The following THOC1 variants were observed in gnomAD, a reference collection of about 807,000 sequenced individuals.
The protein encoded by THOC1 is THO complex 1.
In THOC1, 29 loss-of-function variants were observed where a neutral mutation model predicts 97.3. The ratio of observed to expected loss-of-function variants is 0.30; its 90% CI spans 0.22 to 0.41. The LOEUF (loss-of-function observed/expected upper bound fraction) is 0.41, where lower values mean the gene tolerates loss of function less well. THOC1 is among the 10% of genes least tolerant of loss of function. THOC1 has a pLI of 1.00. For missense variants in THOC1, 529 were observed against 761.9 expected (o/e 0.69, Z 3.60); for synonymous variants, 255 against 257.0 (o/e 0.99, Z 0.07).
rs1273745289 is a variant in THOC1, at chr18:252,546, T to C, written c.670A>G (p.Thr224Ala). 1 of 1,611,682 alleles carries C rather than the reference T, an allele frequency of 6.2e-7. No individual in the cohort carries two copies. The highest frequency in any genetic ancestry group is 8.5e-7 in the Non-Finnish European group (1 of 1,178,670). ...TAGGCTCTGAAAACTCACCACGTTG[T>C]TGGAGCTTCCTCGTCTCCCATTTCG... Reference protein sequence around the residue: ...EGEMGDEEAPTTCSIPIDYNL... With the variant: ...EGEMGDEEAPATCSIPIDYNL... Residue 224 changes from threonine (T) to alanine (A), a missense_variant, in exon 9 of 21, where the codon ACA becomes GCA. Coordinates refer to ENST00000261600, the MANE Select transcript of THOC1 (RefSeq NM_005131.3).
rs528375052 is a variant in THOC1, at chr18:239,855, A to T, written c.918+6469T>A. 4.5e-4 allele frequency among the ~76,000 whole-genome samples: 69 copies of T among 151,894 alleles called. No homozygotes were observed. In the East Asian group the frequency reaches 0.01, roughly 23 times the overall value. On this transcript the variant is annotated intron_variant, in intron 11 of 20. Coordinates refer to ENST00000261600, the MANE Select transcript of THOC1 (RefSeq NM_005131.3). ...GGAGCCCAATTAACACAGAGAAAAA[A>T]TTTTTTTTTCCTCTGGGTATGAAGT...
intron 11 of THOC1, among the ~76,000 whole-genome samples, chr18:232,967 T>C (rs1040510446): frequency 6.6e-6 from 1 of 152,322 alleles, no homozygotes; most frequent in Admixed American, 6.5e-5. Context: ...GTTATGTAGG[T>C]GACAAATAAT....
chr18:241,328 G>C (rs1911892915), intron 11 of THOC1, among the ~76,000 whole-genome samples: 1 of 152,122 alleles, frequency 6.6e-6, no homozygotes, highest in African/African-American at 2.4e-5. Context: ...GACATAAAAA[G>C]TACAAAACAT....
Position 227,892 on chromosome 18 carries a change from C to T in THOC1, c.919-991G>A, listed in dbSNP as rs755553207. 7.0e-4 allele frequency among the ~76,000 whole-genome samples: 106 copies of T among 152,180 alleles called. 1 individual carries two copies. The highest frequency in any genetic ancestry group is 6.8e-3 in the Middle Eastern group (2 of 294). ...TACCATTTACTAATGCTACCTAACA[C>T]GCACAAGCCTCCCTATTCACTAGCA... is the stretch of plus-strand genomic sequence containing the variant. On this transcript the variant is annotated intron_variant, in intron 11 of 20. Coordinates refer to ENST00000261600, the MANE Select transcript of THOC1 (RefSeq NM_005131.3).
At chr18:224,669 G>GAGT (rs1376753771) in intron 15 of THOC1, among the ~76,000 whole-genome samples, 2 of 151,574 alleles carry the variant, frequency 1.3e-5, no homozygotes, top group African/African-American at 4.9e-5. Flanking sequence ...AAATTACACG[G>GAGT]AGTAGATATA....
chr18:266,898 T>C (rs569589267), intron 1 of THOC1, among the ~76,000 whole-genome samples: 2 of 152,052 alleles, frequency 1.3e-5, no homozygotes, highest in South Asian at 2.1e-4. Flanking sequence ...GCACCAGAGA[T>C]TGCAGCAAAA....
At chr18:238,952 T>C (rs1307442521) in intron 11 of THOC1, among the ~76,000 whole-genome samples, 1 of 152,188 alleles carries the variant, frequency 6.6e-6, no homozygotes, top group Non-Finnish European at 1.5e-5. Context: ...AAGATACAAA[T>C]ATAGAATTTT....
chr18:217,125 CA>C (rs1484894308), intron 18 of THOC1, among the ~76,000 whole-genome samples: 1 of 152,250 alleles, frequency 6.6e-6, no homozygotes, highest in African/African-American at 2.4e-5. Context: ...AACCAAACCA[CA>C]AATTTATTCC....
chr18:248,971 C>T (rs1012266743), intron 9 of THOC1, among the ~76,000 whole-genome samples: 2 of 151,980 alleles, frequency 1.3e-5, no homozygotes, highest in African/African-American at 2.4e-5. Context: ...AGGATGGTCT[C>T]GAGTTCCTGA....
intron 11 of THOC1, chr18:245,045 T>G (rs974866404): frequency 2.6e-5 from 4 of 152,216 alleles, no homozygotes; most frequent in Admixed American, 6.5e-5. Flanking sequence ...CTACTTCATT[T>G]CAGCCTGCTT....
At chr18:232,500 C>T (rs1911520108) in intron 11 of THOC1, among the ~76,000 whole-genome samples, 1 of 151,538 alleles carries the variant, frequency 6.6e-6, no homozygotes, top group African/African-American at 2.4e-5. Flanking sequence ...TATCTTATCA[C>T]CCAGTCTTCT....
Position 246,449 on chromosome 18 carries a change from C to T in THOC1, c.793G>A (p.Glu265Lys). The T allele has an allele frequency of 6.4e-7, 1 of 1,564,144 alleles. No homozygotes were observed. The highest frequency in any genetic ancestry group is 8.7e-7 in the Non-Finnish European group (1 of 1,152,970). The change falls in exon 11 of 21, where the codon GAA becomes AAA. Residue 265 changes from glutamate (E) to lysine (K), a missense_variant. Transcript: ENST00000261600. ...ISWKTFLKYS[E>K]EVLAVFKSYK... ...CTCTTAAAAACAGCTAAAACTTCTT[C>T]AGAATACTGCAAAATAAAAATATTA...
intron 4 of THOC1, among the ~76,000 whole-genome samples, chr18:262,059 T>G (rs369376940): frequency 2.2e-4 from 33 of 152,350 alleles, no homozygotes; most frequent in African/African-American, 7.9e-4. Context: ...TTCCATGGTT[T>G]TGTTCACAAT....
At chr18:224,203 A>G (rs894267887) in intron 15 of THOC1, 24 bp from the exon 16 acceptor site, 8 of 1,462,708 alleles carry the variant, frequency 5.5e-6, no homozygotes, top group East Asian at 4.6e-5. Flanking sequence ...AACATACACT[A>G]TTTTTTGAAT....
In THOC1 at chr18:254,414, T is replaced by C; in HGVS notation, c.521-59A>G. The C allele has an allele frequency of 1.9e-6, 2 of 1,050,954 alleles. No individual in the cohort carries two copies. Among genetic ancestry groups the C allele is most frequent in the South Asian group, 1.4e-5 (1 of 73,416 alleles). 65.1% of individuals were successfully genotyped at this position (1,050,954 alleles called of 1,614,324 possible). A position where few individuals can be genotyped will look rare whatever the true frequency, so the allele number is the denominator to read the frequency against. On this transcript the variant is annotated intron_variant, in intron 7 of 20. Transcript: ENST00000261600. The surrounding 1 kb of genome is among the most constrained non-coding windows in gnomAD (Gnocchi z 4.1). ...GTCCAGTGACACCTAAACTTATGTA[T>C]AACTTGTGTCATAATCAAAACTACA...
chr18:240,408 C>G (rs1369281349), intron 11 of THOC1, among the ~76,000 whole-genome samples: 1 of 152,152 alleles, frequency 6.6e-6, no homozygotes, highest in African/African-American at 2.4e-5. Context: ...AGAGTATGCT[C>G]TAAGTTTTGT....
intron 7 of THOC1, among the ~76,000 whole-genome samples, chr18:255,552 G>A (rs500596): frequency 0.21 from 32,193 of 152,140 alleles, 3,594 homozygotes; most frequent in Non-Finnish European, 0.23. Flanking sequence ...GCAGAAGTTG[G>A]TTTACGAGGT....
chr18:231,022 G>A (rs1229648339), intron 11 of THOC1, among the ~76,000 whole-genome samples: 1 of 152,222 alleles, frequency 6.6e-6, no homozygotes, highest in African/African-American at 2.4e-5. Flanking sequence ...AAAGTGCTGG[G>A]ATTACAGGTG....
chr18:222,985 C>T (rs971843978), intron 17 of THOC1, among the ~76,000 whole-genome samples: 2 of 151,940 alleles, frequency 1.3e-5, no homozygotes, highest in East Asian at 2.0e-4. Context: ...ATTAAGTCAT[C>T]GTTTCTAACT....
Sources: allele counts gnomAD v4.1 joint callset (sites outside exome capture counted in the v4.1 genomes callset), GRCh38; gene constraint gnomAD v4.1.1; non-coding constraint Gnocchi (gnomAD v3.1); transcripts MANE v1.5; gene names NCBI Gene and HGNC (gene_info 2026-07-23, HGNC 2026-07-21).